The following CCSER1 variants were observed in gnomAD, a reference collection of about 807,000 sequenced individuals.
CCSER1 encodes coiled-coil serine rich protein 1.
Under a neutral mutation model 82.0 loss-of-function variants are expected in CCSER1, and 41 were observed. The observed-to-expected ratio is 0.50, with a 90% CI of 0.39 to 0.65. The LOEUF is 0.65. Among genes scored for constraint, CCSER1 ranks in the 30% least tolerant of loss-of-function variants. The probability of loss-of-function intolerance (pLI) is 0.00; values close to 1 mark genes in which losing one functional copy is unlikely to be tolerated. For synonymous variants in CCSER1, 414 were observed against 383.9 expected (o/e 1.08, Z -0.92); for missense variants, 1,119 against 1,064.2 (o/e 1.05, Z -0.72).
At chr4:90,259,483 C>T (rs187869482) in intron 1 of CCSER1, among the ~76,000 whole-genome samples, 11 of 151,964 alleles carry the variant, frequency 7.2e-5, no homozygotes, top group Admixed American at 2.0e-4. Flanking sequence ...TGCCTAATTG[C>T]TCTGGCTAAG....
chr4:91,514,886 T>C (rs1445941595), intron 10 of CCSER1, among the ~76,000 whole-genome samples: 4 of 152,176 alleles, frequency 2.6e-5, no homozygotes, highest in Non-Finnish European at 5.9e-5. Flanking sequence ...AGGAGAAATA[T>C]CCTTTTTATT....
intron 7 of CCSER1, among the ~76,000 whole-genome samples, chr4:90,791,931 A>C (rs897354121): frequency 6.6e-6 from 1 of 152,214 alleles, no homozygotes; most frequent in African/African-American, 2.4e-5. Flanking sequence ...GGGAAACCCA[A>C]AAATTCATCA....
chr4:90,343,778 ATATG>A (rs1741843772), intron 3 of CCSER1, among the ~76,000 whole-genome samples: 1 of 152,108 alleles, frequency 6.6e-6, no homozygotes, highest in Non-Finnish European at 1.5e-5. Context: ...AGTGGTATAT[ATATG>A]TATGAGGTAC....
intron 6 of CCSER1, among the ~76,000 whole-genome samples, chr4:90,720,608 G>T (rs746324708): frequency 6.6e-6 from 1 of 151,992 alleles, no homozygotes; most frequent in Non-Finnish European, 1.5e-5. Context: ...TCCAAAGAGG[G>T]TAACCTAAAT....
chr4:90,861,926 A>ATATTTT (rs1486179354), intron 8 of CCSER1, among the ~76,000 whole-genome samples: 14 of 125,662 alleles, frequency 1.1e-4, no homozygotes, highest in Non-Finnish European at 1.2e-4. Context: ...ATATATATAT[A>ATATTTT]TTTTTTTTTT....
intron 10 of CCSER1, among the ~76,000 whole-genome samples, chr4:91,416,686 C>A (rs1753383321): frequency 6.6e-6 from 1 of 152,110 alleles, no homozygotes; most frequent in South Asian, 2.1e-4. Context: ...TTCCTTATAT[C>A]TTATACAAAA....
At chr4:91,357,700 A>AT (rs1399578832) in intron 10 of CCSER1, among the ~76,000 whole-genome samples, 2 of 151,720 alleles carry the variant, frequency 1.3e-5, no homozygotes, top group Admixed American at 6.6e-5. Context: ...ATTATACAAC[A>AT]TTTTTTGCAT....
At chr4:91,136,042 T>C (rs1421075706) in intron 10 of CCSER1, among the ~76,000 whole-genome samples, 1 of 152,198 alleles carries the variant, frequency 6.6e-6, no homozygotes, top group East Asian at 1.9e-4. Context: ...TGTGGTGTTA[T>C]ACTGGTCACA....
chr4:90,552,288 T>C (rs1055075712), intron 5 of CCSER1, among the ~76,000 whole-genome samples: 4 of 152,174 alleles, frequency 2.6e-5, no homozygotes, highest in African/African-American at 9.7e-5. Context: ...AATCAATTGA[T>C]GATTTTCTTT....
At chr4:91,034,363 A>G (rs1371123845) in intron 9 of CCSER1, among the ~76,000 whole-genome samples, 1 of 143,804 alleles carries the variant, frequency 7.0e-6, no homozygotes, top group Admixed American at 7.2e-5. Context: ...AATTTGTTTC[A>G]TTGAGACTAC....
rs146125189 is a variant in CCSER1 at position 90,222,355 on chromosome 4, A to G, written c.-41-85889A>G. Among the ~76,000 whole-genome samples the G allele has an allele frequency of 1.1e-3, 164 of 152,266 alleles. 3 individuals carry two copies. Among genetic ancestry groups the G allele is most frequent in the Middle Eastern group, 6.8e-3 (2 of 294 alleles). On this transcript the variant is annotated intron_variant, in intron 1 of 10. Coordinates refer to ENST00000509176, the MANE Select transcript of CCSER1 (RefSeq NM_001145065.2). ...TTCCTTCCTTCTCTTTCACTTCACT[A>G]TTCATGCCACCACATTGAAACATTT... is the stretch of plus-strand genomic sequence containing the variant.
chr4:90,221,702 G>T (rs1041290210), intron 1 of CCSER1, among the ~76,000 whole-genome samples: 1 of 151,924 alleles, frequency 6.6e-6, no homozygotes, highest in East Asian at 1.9e-4. Context: ...CTACCCTTTG[G>T]CATGAATGAT....
intron 8 of CCSER1, among the ~76,000 whole-genome samples, chr4:90,903,569 A>G (rs920379741): frequency 1.3e-5 from 2 of 152,188 alleles, no homozygotes; most frequent in African/African-American, 4.8e-5. Flanking sequence ...GTAAATGGAA[A>G]GTAAACACCT....
chr4:90,511,868 C>A (rs1425694333), intron 5 of CCSER1, among the ~76,000 whole-genome samples: 3 of 151,910 alleles, frequency 2.0e-5, no homozygotes, highest in African/African-American at 4.8e-5. Context: ...AGAACCCAGA[C>A]AAAGAGGTAA....
At chr4:91,037,163 G>A (rs1051933408) in intron 9 of CCSER1, among the ~76,000 whole-genome samples, 1 of 151,954 alleles carries the variant, frequency 6.6e-6, no homozygotes, top group African/African-American at 2.4e-5. Context: ...TGGTGTCTCT[G>A]CATTGTCTTT....
chr4:90,895,997 T>A (rs1412239896), intron 8 of CCSER1, among the ~76,000 whole-genome samples: 1 of 151,924 alleles, frequency 6.6e-6, no homozygotes, highest in Non-Finnish European at 1.5e-5. Flanking sequence ...AAATGGTTAC[T>A]GCAGTGATTC....
intron 10 of CCSER1, among the ~76,000 whole-genome samples, chr4:91,138,880 T>G (rs1728747364): frequency 6.6e-6 from 1 of 152,228 alleles, no homozygotes; most frequent in East Asian, 1.9e-4. Context: ...TTTAAAAAAA[T>G]AAGTTCTACC....
At chr4:91,334,240 A>G (rs1217128608) in intron 10 of CCSER1, among the ~76,000 whole-genome samples, 1 of 151,998 alleles carries the variant, frequency 6.6e-6, no homozygotes, top group African/African-American at 2.4e-5. Context: ...CTTATTTCTT[A>G]TCTAACCAAA....
At chr4:91,126,951 A>G (rs1727575594) in intron 10 of CCSER1, among the ~76,000 whole-genome samples, 1 of 151,848 alleles carries the variant, frequency 6.6e-6, no homozygotes, top group South Asian at 2.1e-4. Flanking sequence ...TTTTCCACCC[A>G]GGAGGCAAGT....
Sources: allele counts gnomAD v4.1 joint callset (sites outside exome capture counted in the v4.1 genomes callset), GRCh38; gene constraint gnomAD v4.1.1; transcripts MANE v1.5; gene names NCBI Gene and HGNC (gene_info 2026-07-23, HGNC 2026-07-21).